The following GRK5 variants were observed in gnomAD, a reference collection of about 807,000 sequenced individuals.
GRK5 encodes the protein G protein-coupled receptor kinase 5, also known as g protein-coupled receptor kinase GRK5.
In GRK5, 40 loss-of-function variants were observed where a neutral mutation model predicts 78.4. That is an observed-to-expected ratio of 0.51 (90% CI 0.40 to 0.66). The LOEUF is 0.66. GRK5 is among the 30% of genes least tolerant of loss of function. The probability of loss-of-function intolerance (pLI) is 0.00; values close to 1 mark genes in which losing one functional copy is unlikely to be tolerated. For missense variants in GRK5, 598 were observed against 759.9 expected (o/e 0.79, Z 2.50); for synonymous variants, 289 against 296.8 (o/e 0.97, Z 0.27).
chr10:119,405,248 C>T (rs971913008), intron 4 of GRK5, among the ~76,000 whole-genome samples: 1 of 152,086 alleles, frequency 6.6e-6, no homozygotes, highest in African/African-American at 2.4e-5. Flanking sequence ...TGGCGTCCTT[C>T]TGTGGGGTAC....
At chr10:119,373,396 A>C (rs1851577609) in intron 2 of GRK5, among the ~76,000 whole-genome samples, 1 of 152,116 alleles carries the variant, frequency 6.6e-6, no homozygotes, top group African/African-American at 2.4e-5. Context: ...AATCATGGGG[A>C]TGGGTCTTTC....
intron 1 of GRK5, among the ~76,000 whole-genome samples, chr10:119,292,439 G>T (rs1849999620): frequency 6.6e-6 from 1 of 152,122 alleles, no homozygotes; most frequent in Non-Finnish European, 1.5e-5. Context: ...GCTGCCTTGG[G>T]CAGGTGGCTA....
At position 119,427,813 on chromosome 10, in the gene GRK5, A is replaced by T. The variant is rs992045085; in HGVS notation, c.534-2562A>T. Reference sequence around the variant, plus strand: ...CAGCATCACCACCATCAACAGCATCACCACCATCATCAGCATCACTGCCAT... The same window carrying T: ...CAGCATCACCACCATCAACAGCATCTCCACCATCATCAGCATCACTGCCAT... On this transcript the variant is annotated intron_variant, in intron 6 of 15. Coordinates refer to ENST00000392870, the MANE Select transcript of GRK5 (RefSeq NM_005308.3). Among the ~76,000 whole-genome samples, 74 of 152,106 alleles carry T rather than the reference A, an allele frequency of 4.9e-4. 1 individual carries two copies. Among genetic ancestry groups the T allele is most frequent in the Non-Finnish European group, 7.3e-4 (50 of 68,028 alleles).
At chr10:119,210,451 A>G (rs1160517035) in intron 1 of GRK5, among the ~76,000 whole-genome samples, 1 of 152,192 alleles carries the variant, frequency 6.6e-6, no homozygotes, top group Non-Finnish European at 1.5e-5. Flanking sequence ...CACTTTTAGA[A>G]ATTAAAGCAA....
chr10:119,437,955 G>A (rs561392421), intron 9 of GRK5, among the ~76,000 whole-genome samples: 9 of 152,264 alleles, frequency 5.9e-5, no homozygotes, highest in African/African-American at 9.6e-5. Flanking sequence ...AAAAGTAGCC[G>A]GATGCGGTGG....
intron 3 of GRK5, among the ~76,000 whole-genome samples, chr10:119,390,802 G>A (rs1379169727): frequency 2.0e-5 from 3 of 151,988 alleles, no homozygotes; most frequent in East Asian, 1.9e-4. Context: ...TCCCACCACC[G>A]GGTCCTTCCC....
chr10:119,439,597 C>A, intron 9 of GRK5, 134 bp from the exon 10 acceptor site: 1 of 723,276 alleles, frequency 1.4e-6, no homozygotes, highest in South Asian at 1.8e-5. Flanking sequence ...AACCAGACAG[C>A]CTGAGCCAGG....
intron 1 of GRK5, among the ~76,000 whole-genome samples, chr10:119,255,217 G>C (rs1849262208): frequency 6.6e-6 from 1 of 152,128 alleles, no homozygotes; most frequent in African/African-American, 2.4e-5. Context: ...AGGATCCAGG[G>C]AGGGGTGTGG....
chr10:119,309,325 C>T (rs1440698447), intron 1 of GRK5, among the ~76,000 whole-genome samples: 3 of 152,184 alleles, frequency 2.0e-5, no homozygotes, highest in Admixed American at 2.0e-4. Context: ...CAAGTAGGTC[C>T]TCGATATGAG....
intron 1 of GRK5, among the ~76,000 whole-genome samples, chr10:119,315,297 G>A (rs187159205): frequency 5.7e-4 from 87 of 152,318 alleles, no homozygotes; most frequent in Non-Finnish European, 9.7e-4. Flanking sequence ...TGAGTCACTC[G>A]GTGACGCAGC....
At chr10:119,417,419 A>G (rs1852480033) in intron 4 of GRK5, among the ~76,000 whole-genome samples, 1 of 152,180 alleles carries the variant, frequency 6.6e-6, no homozygotes, top group Admixed American at 6.5e-5. Flanking sequence ...GGGTGCGGCA[A>G]TGAGCATTTG....
At chr10:119,298,629 C>T (rs1328091964) in intron 1 of GRK5, among the ~76,000 whole-genome samples, 1 of 152,070 alleles carries the variant, frequency 6.6e-6, no homozygotes, top group African/African-American at 2.4e-5. Flanking sequence ...CTCAACACCC[C>T]CTCCCTTAAT....
At chr10:119,302,303 C>A (rs1437803483) in intron 1 of GRK5, among the ~76,000 whole-genome samples, 7 of 152,208 alleles carry the variant, frequency 4.6e-5, no homozygotes, top group African/African-American at 1.7e-4. Context: ...TGACTTTGTG[C>A]AAGTCCCCAG....
chr10:119,242,144 C>T (rs1458431411), intron 1 of GRK5, among the ~76,000 whole-genome samples: 1 of 152,118 alleles, frequency 6.6e-6, no homozygotes, highest in African/African-American at 2.4e-5. Context: ...TTGCCTTCAG[C>T]TGAAAACAAT....
chr10:119,373,831 C>T (rs1413472642), intron 2 of GRK5, among the ~76,000 whole-genome samples: 1 of 152,150 alleles, frequency 6.6e-6, no homozygotes, highest in Non-Finnish European at 1.5e-5. Flanking sequence ...ATAAAAAATG[C>T]AATATCTGCA....
intron 1 of GRK5, among the ~76,000 whole-genome samples, chr10:119,317,915 C>T (rs1404620599): frequency 1.3e-5 from 2 of 152,080 alleles, no homozygotes; most frequent in African/African-American, 2.4e-5. Context: ...AGTGAGAGTG[C>T]ATCAGAATCA....
At chr10:119,414,616 T>C (rs1852410437) in intron 4 of GRK5, among the ~76,000 whole-genome samples, 1 of 152,158 alleles carries the variant, frequency 6.6e-6, no homozygotes, top group South Asian at 2.1e-4. Flanking sequence ...AATCCTGTCT[T>C]TGCTCCCAGG....
At chr10:119,211,398 G>A (rs1378737816) in intron 1 of GRK5, 2 of 152,194 alleles carry the variant, frequency 1.3e-5, no homozygotes, top group African/African-American at 4.8e-5. Flanking sequence ...TAATGAGAAG[G>A]AGAGTTTGCT....
intron 1 of GRK5, among the ~76,000 whole-genome samples, chr10:119,326,123 G>A (rs1053731588): frequency 6.6e-6 from 1 of 152,250 alleles, no homozygotes; most frequent in African/African-American, 2.4e-5. Flanking sequence ...AGGGGCCATG[G>A]GCACCTGCCT....
Sources: gnomAD v4.1 joint callset for allele counts (sites outside exome capture counted in the v4.1 genomes callset) on GRCh38, gnomAD v4.1.1 for gene constraint, MANE v1.5 for transcripts, NCBI Gene and HGNC (gene_info 2026-07-23, HGNC 2026-07-21) for gene names.